SCNN1B: variants seen among roughly 807,000 people sequenced by gnomAD.
SCNN1B encodes the protein sodium channel epithelial 1 subunit beta, also known as epithelial sodium channel subunit beta.
SCNN1B carries 46 observed loss-of-function variants against 65.3 expected under a neutral mutation model. That is an observed-to-expected ratio of 0.70 (90% CI 0.56 to 0.90). SCNN1B has a LOEUF of 0.90. Ranked by LOEUF, SCNN1B falls within the 40% of genes least tolerant of loss-of-function variation. The pLI, the probability that SCNN1B is intolerant of heterozygous loss-of-function variation, is 0.00. For missense variants in SCNN1B, 751 were observed against 830.5 expected (o/e 0.90, Z 1.18); for synonymous variants, 349 against 330.6 (o/e 1.06, Z -0.60).
At chr16:23,334,388 G>A (rs907371019) in intron 1 of SCNN1B, among the ~76,000 whole-genome samples, 3 of 152,162 alleles carry the variant, frequency 2.0e-5, no homozygotes, top group African/African-American at 7.2e-5. Flanking sequence ...TCGAGTCATG[G>A]ACTATATACA....
chr16:23,300,507 A>G (rs912039414), upstream of SCNN1B, among the ~76,000 whole-genome samples: 2 of 152,084 alleles, frequency 1.3e-5, no homozygotes, highest in East Asian at 1.9e-4. Context: ...CAAAAATGCT[A>G]AACAGTGCCC....
chr16:23,347,194 A>G (rs1962208167), intron 1 of SCNN1B, among the ~76,000 whole-genome samples: 1 of 152,022 alleles, frequency 6.6e-6, no homozygotes. Flanking sequence ...TGGGGTCCCA[A>G]TCTTTCCTGT....
Position 23,380,276 on chromosome 16 carries a change from T to C in SCNN1B, c.1542+107T>C, listed in dbSNP as rs1286092048. 6.0e-6 allele frequency: 9 copies of C among 1,500,834 alleles called. No homozygotes were observed. The highest frequency in any genetic ancestry group is 5.1e-5 in the Admixed American group (3 of 59,290). The allele number at this position is 1,500,834 out of a possible 1,614,324, so 93.0% of individuals were successfully genotyped here. A position where few individuals can be genotyped will look rare whatever the true frequency, so the allele number is the denominator to read the frequency against. ...CCTATGAAGGAATTAGGAAGATCCC[T>C]AAGACAGTCCCAAGTTATTCCCCTG... On this transcript the variant is annotated intron_variant, in intron 12 of 12. Transcript: ENST00000343070. This position sits in a 1 kb window ranked among gnomAD's most constrained non-coding sequence, Gnocchi z 5.4.
chr16:23,319,241 C>T (rs1317592199), intron 1 of SCNN1B, among the ~76,000 whole-genome samples: 1 of 151,988 alleles, frequency 6.6e-6, no homozygotes, highest in Non-Finnish European at 1.5e-5. Flanking sequence ...AGGGTTTCAC[C>T]GTGTTAGCCA....
At chr16:23,312,182 C>T (rs563732029) in intron 1 of SCNN1B, among the ~76,000 whole-genome samples, 5 of 152,220 alleles carry the variant, frequency 3.3e-5, no homozygotes, top group African/African-American at 1.2e-4. Context: ...ATTGCCCAGG[C>T]TGGTCTCAAA....
At chr16:23,290,107 G>T (rs1045011532) in intron 2 of SCNN1B, among the ~76,000 whole-genome samples, 2 of 152,050 alleles carry the variant, frequency 1.3e-5, no homozygotes, top group Non-Finnish European at 2.9e-5. Context: ...GCACGTCTCC[G>T]TTTTTTTCCC....
At chr16:23,338,289 C>T (rs1368152811) in intron 1 of SCNN1B, among the ~76,000 whole-genome samples, 1 of 152,102 alleles carries the variant, frequency 6.6e-6, no homozygotes, top group African/African-American at 2.4e-5. Context: ...TGACAGCTTC[C>T]CTAAAACTCT....
rs1555483371 is a variant in SCNN1B at position 23,305,534 on chromosome 16, T to TATATATA, written c.-9+3097_-9+3098insATATATA. Reference sequence around the variant, plus strand: ...AACCCATCTCTACCAAATATATATATTATATATATATATATATATATATAT... The same window carrying TATATATA: ...AACCCATCTCTACCAAATATATATATATATATATATATATATATATATATATATATAT... On this transcript the variant is annotated intron_variant, in intron 1 of 12. Transcript: ENST00000343070. 4.9e-3 allele frequency among the ~76,000 whole-genome samples: 36 copies of TATATATA among 7,370 alleles called. 7 individuals are homozygous for TATATATA. The highest frequency in any genetic ancestry group is 0.011 in the South Asian group (2 of 174). 4.8% of individuals were successfully genotyped at this position (7,370 alleles called of 152,430 possible). A position where few individuals can be genotyped will look rare whatever the true frequency, so the allele number is the denominator to read the frequency against.
chr16:23,326,165 A>C (rs1468579070), intron 1 of SCNN1B, among the ~76,000 whole-genome samples: 1 of 151,680 alleles, frequency 6.6e-6, no homozygotes, highest in Non-Finnish European at 1.5e-5. Context: ...TTTGCCTAAC[A>C]ATAGATTTTT....
chr16:23,376,531 C>G (rs1962899761), intron 8 of SCNN1B, among the ~76,000 whole-genome samples: 1 of 152,018 alleles, frequency 6.6e-6, no homozygotes, highest in Admixed American at 6.6e-5. Flanking sequence ...AACCTGGAGT[C>G]ACAGCAGGAA....
chr16:23,284,240 A>G (rs1162959651), intron 2 of SCNN1B, among the ~76,000 whole-genome samples: 1 of 152,040 alleles, frequency 6.6e-6, no homozygotes, highest in Non-Finnish European at 1.5e-5. Context: ...ACCTGTGCCT[A>G]CTAAAAGTAC....
rs182297172 is a variant in SCNN1B, at chr16:23,371,316, G to T, written c.898G>T (p.Asp300Tyr). 1 of 1,614,098 alleles carries T rather than the reference G, an allele frequency of 6.2e-7. No individual in the cohort carries two copies. Among genetic ancestry groups the T allele is most frequent in the African/African-American group, 1.3e-5 (1 of 75,024 alleles). ...CCCCACAGGCCTGAAGTTGATCCTG[G>T]ACATAGGCCAGGAAGACTACGTCCC... ...GTEFGLKLIL[D>Y]IGQEDYVPFL... Residue 300 changes from aspartate to tyrosine, a missense_variant, in exon 6 of 13, where the codon GAC becomes TAC. By Grantham distance (160) the Asp-to-Tyr change is radical. Transcript: ENST00000343070.
intron 1 of SCNN1B, among the ~76,000 whole-genome samples, chr16:23,304,781 C>A (rs779253654): frequency 6.6e-6 from 1 of 152,152 alleles, no homozygotes; most frequent in Non-Finnish European, 1.5e-5. Flanking sequence ...ATTATAATCC[C>A]AGCTTCACCC....
At position 23,380,025 on chromosome 16, in the gene SCNN1B, C is replaced by A; in HGVS notation, c.1467-69C>A. The A allele has an allele frequency of 8.9e-7, 1 of 1,128,758 alleles. No homozygotes were observed. 69.9% of individuals were successfully genotyped at this position (1,128,758 alleles called of 1,614,324 possible). A position where few individuals can be genotyped will look rare whatever the true frequency, so the allele number is the denominator to read the frequency against. ...GCATGTGTGTGCATGTGTCTATGTGCGTGTGTGTGTGTCTGTCTGTTTGGA... is the reference window on the plus strand; with the variant it reads ...GCATGTGTGTGCATGTGTCTATGTGAGTGTGTGTGTGTCTGTCTGTTTGGA... On this transcript the variant is annotated intron_variant, in intron 11 of 12. Coordinates refer to ENST00000343070, the MANE Select transcript of SCNN1B (RefSeq NM_000336.3). The surrounding 1 kb of genome is among the most constrained non-coding windows in gnomAD (Gnocchi z 5.4).
intron 7 of SCNN1B, among the ~76,000 whole-genome samples, chr16:23,375,506 G>C (rs1962874582): frequency 6.6e-6 from 1 of 152,152 alleles, no homozygotes; most frequent in South Asian, 2.1e-4. Context: ...TCTGGCCTGG[G>C]TCCCTCTGTG....
At chr16:23,289,832 C>A (rs1373089962) in intron 2 of SCNN1B, among the ~76,000 whole-genome samples, 1 of 151,828 alleles carries the variant, frequency 6.6e-6, no homozygotes, top group African/African-American at 2.4e-5. Context: ...TGCGCCACCA[C>A]GCCTGGTTAA....
Position 23,304,039 on chromosome 16 carries a change from C to T in SCNN1B, c.-9+1602C>T, listed in dbSNP as rs546670621. The T allele has an allele frequency of 5.2e-6, 8 of 1,532,662 alleles. 1 individual carries two copies. In the Admixed American group the frequency reaches 1.4e-4, roughly 26 times the overall value. 94.9% of individuals were successfully genotyped at this position (1,532,662 alleles called of 1,614,324 possible). On this transcript the variant is annotated intron_variant, in intron 1 of 12. Transcript: ENST00000343070. Reference sequence around the variant, plus strand: ...AAACCCAGCTTATTTATTTAAACTGCTGCATGGATTCCCGCCGTGGATAAT... The same window carrying T: ...AAACCCAGCTTATTTATTTAAACTGTTGCATGGATTCCCGCCGTGGATAAT...
At chr16:23,353,747 C>T (rs1057061747) in intron 3 of SCNN1B, among the ~76,000 whole-genome samples, 2 of 152,214 alleles carry the variant, frequency 1.3e-5, no homozygotes, top group East Asian at 3.8e-4. Flanking sequence ...AAATATTGGG[C>T]AGGTGAAAAG....
Position 23,375,866 on chromosome 16 carries a change from G to T in SCNN1B, c.1270+11G>T, listed in dbSNP as rs369905217. 21 of 1,564,138 alleles carry T rather than the reference G, an allele frequency of 1.3e-5. No homozygotes were observed. The highest frequency in any genetic ancestry group is 1.7e-5 in the Non-Finnish European group (19 of 1,134,588). On this transcript the variant is annotated intron_variant, in intron 8 of 12. Transcript: ENST00000343070. ...ACTTCCCAGACTGGGGTGAGCGGGG[G>T]CACGGGGGATCGGCACTCCAGCCAT...
Sources: allele counts gnomAD v4.1 joint callset (sites outside exome capture counted in the v4.1 genomes callset), GRCh38; gene constraint gnomAD v4.1.1; non-coding constraint Gnocchi (gnomAD v3.1); transcripts MANE v1.5; gene names NCBI Gene and HGNC (gene_info 2026-07-23, HGNC 2026-07-21).